Variants in PAPOLG observed in about 807,000 individuals in gnomAD.
PAPOLG encodes the protein poly(A) polymerase gamma.
A neutral mutation model predicts 99.0 loss-of-function variants in PAPOLG; 40 were observed. That is an observed-to-expected ratio of 0.40 (90% CI 0.31 to 0.53). PAPOLG has a LOEUF of 0.53. PAPOLG is among the 20% of genes least tolerant of loss of function. PAPOLG has a pLI of 0.41. For synonymous variants in PAPOLG, 310 were observed against 299.3 expected (o/e 1.04, Z -0.37); for missense variants, 675 against 884.1 (o/e 0.76, Z 3.00).
At position 60,775,082 on chromosome 2, in the gene PAPOLG, C is replaced by T. The variant is rs1670976407; in HGVS notation, c.653C>T (p.Thr218Ile). Reference sequence around the variant, plus strand: ...TTGCATTTAGTGCCAAATAAAGAAACTTTTAGACTCACCCTAAGAGCTGTC... The same window carrying T: ...TTGCATTTAGTGCCAAATAAAGAAATTTTTAGACTCACCCTAAGAGCTGTC... ...EILHLVPNKE[T>I]FRLTLRAVKL... Residue 218 changes from threonine to isoleucine, a missense_variant, in exon 8 of 22, where the codon ACT (threonine) becomes ATT (isoleucine). Physicochemically the swap from Thr to Ile is moderately conservative, Grantham distance 89. Transcript: ENST00000238714. 6.2e-7 allele frequency: 1 copy of T among 1,613,388 alleles called. No individual in the cohort carries two copies. The highest frequency in any genetic ancestry group is 8.5e-7 in the Non-Finnish European group (1 of 1,179,750).
chr2:60,756,809 C>A (rs1030771275), intron 1 of PAPOLG, among the ~76,000 whole-genome samples: 3 of 151,966 alleles, frequency 2.0e-5, no homozygotes, highest in African/African-American at 7.3e-5. Context: ...TCGCCTGCCC[C>A]CAGCACTGTC....
chr2:60,756,821 G>C (rs1670357371), intron 1 of PAPOLG, among the ~76,000 whole-genome samples: 3 of 152,116 alleles, frequency 2.0e-5, no homozygotes, highest in African/African-American at 7.2e-5. Context: ...AGCACTGTCT[G>C]AGCCCGTCTG....
intron 13 of PAPOLG, among the ~76,000 whole-genome samples, chr2:60,784,278 T>C (rs2103807391): frequency 6.6e-6 from 1 of 152,330 alleles, no homozygotes; most frequent in South Asian, 2.1e-4. Context: ...GCCTGAGTTT[T>C]TCATTTTTGC....
chr2:60,794,021 C>G lies in PAPOLG; in HGVS notation c.1819C>G (p.Pro607Ala). The change falls in exon 19 of 22, where the codon CCT becomes GCT. Residue 607 changes from proline to alanine, a missense_variant. By Grantham distance (27) the Pro-to-Ala change is conservative. Around this residue, in one of 3 missense-constraint regions of PAPOLG, gnomAD observed 413 missense variants for 460.5 expected, o/e 0.90. Coordinates refer to ENST00000238714, the MANE Select transcript of PAPOLG (RefSeq NM_022894.4). The part of the protein sequence containing the change: ...TVSPPTVCTI[P>A]TVVGRNVIPR... ...ATCACCCCCCACTGTGTGTACCATT[C>G]CTACCGTAGTAGGACGAAATGTCAT... The G allele has an allele frequency of 6.2e-7, 1 of 1,613,584 alleles. No individual in the cohort carries two copies. The highest frequency in any genetic ancestry group is 1.7e-5 in the Admixed American group (1 of 60,024).
chr2:60,762,651 G>T (rs1670553852), intron 3 of PAPOLG, among the ~76,000 whole-genome samples: 2 of 150,988 alleles, frequency 1.3e-5, no homozygotes, highest in South Asian at 4.2e-4. Flanking sequence ...TTTTGAGATG[G>T]AATCTCCCTC....
intron 9 of PAPOLG, among the ~76,000 whole-genome samples, 155 bp downstream of exon 9, chr2:60,779,930 G>A (rs1671138703): frequency 6.6e-6 from 1 of 152,208 alleles, no homozygotes. Flanking sequence ...GCAATGGTGG[G>A]ACATCTAATT....
chr2:60,761,972 G>A (rs777852288), intron 3 of PAPOLG, among the ~76,000 whole-genome samples, 165 bp downstream of exon 3: 3 of 152,242 alleles, frequency 2.0e-5, no homozygotes, highest in East Asian at 3.9e-4. Context: ...AAGTAGATGA[G>A]GATTACCCAG....
At chr2:60,760,399 T>G in intron 2 of PAPOLG, 104 bp downstream of exon 2, 1 of 1,133,552 alleles carries the variant, frequency 8.8e-7, no homozygotes. Flanking sequence ...GGTGCAGAAA[T>G]GACAAAAAGA....
chr2:60,770,572 T>C, intron 6 of PAPOLG, 61 bp downstream of exon 6: 1 of 1,142,940 alleles, frequency 8.7e-7, no homozygotes, highest in Non-Finnish European at 1.2e-6. Flanking sequence ...AAGTTTGTTT[T>C]CTGAAATCAG....
intron 1 of PAPOLG, among the ~76,000 whole-genome samples, chr2:60,757,050 C>G (rs1235310703): frequency 3.3e-5 from 5 of 152,112 alleles, no homozygotes; most frequent in African/African-American, 1.2e-4. Context: ...CTTGTTCACA[C>G]TTTGATAAGT....
At chr2:60,782,900 T>C (rs58042119) in intron 12 of PAPOLG, 130 bp downstream of exon 12, 2 of 1,188,514 alleles carry the variant, frequency 1.7e-6, no homozygotes, top group Non-Finnish European at 2.3e-6. Context: ...TTAACAAAAA[T>C]CCTAAGAGAT....
chr2:60,785,157 G>C (rs1389893074), intron 13 of PAPOLG, among the ~76,000 whole-genome samples: 1 of 148,794 alleles, frequency 6.7e-6, no homozygotes, highest in African/African-American at 2.5e-5. Flanking sequence ...TTTTTTTTTT[G>C]ATATGGAGTC....
intron 11 of PAPOLG, 137 bp from the exon 12 acceptor site, chr2:60,782,547 ACT>A (rs1671221299): frequency 6.2e-6 from 8 of 1,297,538 alleles, no homozygotes; most frequent in South Asian, 5.3e-5. Flanking sequence ...ACAGAGTGAG[ACT>A]CTGTCTCAAA....
At chr2:60,789,445 G>T (rs1388823254) in intron 15 of PAPOLG, among the ~76,000 whole-genome samples, 1 of 152,048 alleles carries the variant, frequency 6.6e-6, no homozygotes, top group East Asian at 1.9e-4. Context: ...ATGTTGCCCA[G>T]GCTGATCTCG....
At position 60,799,152 on chromosome 2, in the gene PAPOLG, G is replaced by A. The variant is rs1156283489; in HGVS notation, c.*1992G>A. ...TAAATTTTATATACTGGATGTGTATGCATTTCTGCATTTCATATCTTTTGC... is the reference window on the plus strand; with the variant it reads ...TAAATTTTATATACTGGATGTGTATACATTTCTGCATTTCATATCTTTTGC... On this transcript the variant is annotated 3_prime_UTR_variant, in exon 22 of 22. Coordinates refer to ENST00000238714, the MANE Select transcript of PAPOLG (RefSeq NM_022894.4). 1 of 152,338 alleles carries A rather than the reference G, an allele frequency of 6.6e-6. No homozygotes were observed. Among genetic ancestry groups the A allele is most frequent in the Non-Finnish European group, 1.5e-5 (1 of 68,042 alleles). The allele number at this position is 152,338 out of a possible 1,614,324, so 9.4% of individuals were successfully genotyped here.
At chr2:60,772,123 G>A (rs1033193534) in intron 7 of PAPOLG, among the ~76,000 whole-genome samples, 1 of 151,380 alleles carries the variant, frequency 6.6e-6, no homozygotes, top group Non-Finnish European at 1.5e-5. Flanking sequence ...ACAATTGATT[G>A]TAATATTTTG....
At chr2:60,756,909 A>C (rs1458264263) in intron 1 of PAPOLG, among the ~76,000 whole-genome samples, 1 of 147,042 alleles carries the variant, frequency 6.8e-6, no homozygotes, top group Non-Finnish European at 1.5e-5. Context: ...CCAGGTCTTC[A>C]GGAGTGAAAG....
rs1399781905 is a variant in PAPOLG, at chr2:60,793,622, A to G, written c.1680-5A>G. The G allele has an allele frequency of 6.8e-6, 11 of 1,612,894 alleles. No homozygotes were observed. The highest frequency in any genetic ancestry group is 1.7e-5 in the Admixed American group (1 of 59,864). ...TTATTGATGATAATTTAACACTTTC[A>G]TTAGGAATAGTGCTGAGCCTGCTGC... is the stretch of plus-strand genomic sequence containing the variant. On this transcript the variant is annotated splice_polypyrimidine_tract_variant and splice_region_variant and intron_variant, in intron 17 of 21. Transcript: ENST00000238714.
chr2:60,790,009 G>A (rs970852697), intron 15 of PAPOLG, among the ~76,000 whole-genome samples: 2 of 152,176 alleles, frequency 1.3e-5, no homozygotes, highest in African/African-American at 2.4e-5. Context: ...CAGGAGAATC[G>A]CTTGAACCTG....
Sources: allele counts gnomAD v4.1 joint callset (sites outside exome capture counted in the v4.1 genomes callset), GRCh38; gene constraint gnomAD v4.1.1; regional missense constraint gnomAD v4.1.1; transcripts MANE v1.5; gene names NCBI Gene and HGNC (gene_info 2026-07-23, HGNC 2026-07-21).